MCCC1: variants seen among roughly 807,000 people sequenced by gnomAD.
MCCC1 encodes the protein methylcrotonoyl-CoA carboxylase subunit alpha, mitochondrial.
MCCC1 carries 64 observed loss-of-function variants against 83.8 expected under a neutral mutation model. The observed-to-expected ratio is 0.76, with a 90% CI of 0.62 to 0.94. MCCC1 has a LOEUF of 0.94. Ranked by LOEUF, MCCC1 falls within the 40% of genes least tolerant of loss-of-function variation. The pLI is 0.00. For missense variants in MCCC1, 807 were observed against 904.7 expected, an observed-to-expected ratio of 0.89 and a Z score of 1.39; for synonymous variants, 322 against 315.4, an observed-to-expected ratio of 1.02 and a Z score of -0.22.
intron 4 of MCCC1, 75 bp downstream of exon 4, chr3:183,086,618 A>ATT: frequency 1.5e-6 from 2 of 1,355,866 alleles, no homozygotes; most frequent in South Asian, 2.4e-5. Flanking sequence ...AAAATAGAAA[A>ATT]TTTCTATAAG....
chr3:183,082,874 C>T (rs1412315589), intron 4 of MCCC1, among the ~76,000 whole-genome samples: 1 of 152,012 alleles, frequency 6.6e-6, no homozygotes, highest in Non-Finnish European at 1.5e-5. Flanking sequence ...AGTCCCATCA[C>T]AGCTACTTGG....
chr3:183,105,828 G>A (rs1043542967), intron 1 of MCCC1, among the ~76,000 whole-genome samples: 11 of 152,116 alleles, frequency 7.2e-5, no homozygotes, highest in Admixed American at 2.6e-4. Context: ...AGTGGCTCAC[G>A]CCTGTAATCC....
intron 3 of MCCC1, among the ~76,000 whole-genome samples, chr3:183,089,609 G>A (rs1181973369): frequency 1.3e-5 from 2 of 151,782 alleles, no homozygotes; most frequent in African/African-American, 4.8e-5. Context: ...GTGAGACCCT[G>A]GCTCAAAAAA....
chr3:183,101,467 G>A (rs940837014), upstream of MCCC1, among the ~76,000 whole-genome samples: 4 of 152,188 alleles, frequency 2.6e-5, no homozygotes, highest in Admixed American at 2.6e-4. Context: ...TGCACCAATC[G>A]ACACTCTGTA....
intron 12 of MCCC1, among the ~76,000 whole-genome samples, chr3:183,038,567 C>T (rs1713812711): frequency 6.6e-6 from 1 of 152,124 alleles, no homozygotes; most frequent in African/African-American, 2.4e-5. Context: ...AGAAAAATAA[C>T]AAACTCTATT....
At chr3:183,110,479 C>T (rs915409715) in intron 1 of MCCC1, among the ~76,000 whole-genome samples, 9 of 151,482 alleles carry the variant, frequency 5.9e-5, no homozygotes, top group Admixed American at 2.6e-4. Context: ...CTGTGAGCTC[C>T]GCCTCCCAGG....
upstream of MCCC1, among the ~76,000 whole-genome samples, chr3:183,102,907 C>T (rs941535362): frequency 2.0e-5 from 3 of 151,306 alleles, no homozygotes; most frequent in Admixed American, 2.0e-4. Flanking sequence ...ATGGCTCAGC[C>T]TCCCGAATAG....
In MCCC1 at chr3:183,053,577, T is replaced by C. The variant is rs556716752; in HGVS notation, c.874-1337A>G. ...ATCCCAGCAGTTCGGGAGGCCAAGGTGGGCGGATCATGAAGTCAGGAGTTC... is the reference window on the plus strand; with the variant it reads ...ATCCCAGCAGTTCGGGAGGCCAAGGCGGGCGGATCATGAAGTCAGGAGTTC... On this transcript the variant is annotated intron_variant, in intron 8 of 18. Transcript: ENST00000265594. Among the ~76,000 whole-genome samples the C allele has an allele frequency of 9.2e-5, 14 of 151,620 alleles. No individual in the cohort carries two copies. The South Asian group carries it at 2.9e-3, about 32-fold the overall frequency.
intron 7 of MCCC1, among the ~76,000 whole-genome samples, chr3:183,061,176 A>G (rs1715805616): frequency 6.6e-6 from 1 of 152,168 alleles, no homozygotes. Flanking sequence ...GGGGAGGGAA[A>G]GCATTCTATA....
At chr3:183,056,322 A>T (rs988315666) in intron 8 of MCCC1, among the ~76,000 whole-genome samples, 1 of 152,182 alleles carries the variant, frequency 6.6e-6, no homozygotes, top group Non-Finnish European at 1.5e-5. Flanking sequence ...GAAACCTCTG[A>T]TCCCTGACTT....
intron 7 of MCCC1, 73 bp from the exon 8 acceptor site, chr3:183,057,495 G>T: frequency 1.7e-6 from 2 of 1,161,004 alleles, no homozygotes; most frequent in Non-Finnish European, 2.5e-6. Flanking sequence ...AAGCTAAACT[G>T]TTAGGCACAA....
chr3:183,099,186 C>T, intron 1 of MCCC1, 166 bp downstream of exon 1: 1 of 727,670 alleles, frequency 1.4e-6, no homozygotes, highest in Non-Finnish European at 2.3e-6. Context: ...GGATGTCTTC[C>T]TCCCGACGCC....
At chr3:183,110,876 C>A (rs1719481212) in intron 1 of MCCC1, among the ~76,000 whole-genome samples, 1 of 152,158 alleles carries the variant, frequency 6.6e-6, no homozygotes. Flanking sequence ...GTTATCACAG[C>A]ACCATTTATT....
At chr3:183,101,012 C>T (rs1365566290), upstream of MCCC1, among the ~76,000 whole-genome samples, 1 of 152,274 alleles carries the variant, frequency 6.6e-6, no homozygotes, top group Non-Finnish European at 1.5e-5. Context: ...GCCCTGCTGA[C>T]CCCGGGCAAT....
In MCCC1 at chr3:183,071,022, G is replaced by A. The variant is rs766095348; in HGVS notation, c.738C>T (p.Ile246=). 13 of 1,614,012 alleles carry A rather than the reference G, an allele frequency of 8.1e-6. No homozygotes were observed. The highest frequency in any genetic ancestry group is 1.0e-5 in the Non-Finnish European group (12 of 1,179,984). Residue 246 remains isoleucine (I), a synonymous_variant, in exon 7 of 19, where the codon ATC becomes ATT. Transcript: ENST00000265594. The part of the protein sequence containing the change: ...KKSFNDDAML[I]EKFVDTPRHV... ...ACCTCGGTGTGTCTACAAACTTCTC[G>A]ATCAGCATAGCATCATCATTGAAAG...
intron 3 of MCCC1, among the ~76,000 whole-genome samples, chr3:183,090,731 A>C (rs1384827580): frequency 6.6e-6 from 1 of 152,094 alleles, no homozygotes; most frequent in Non-Finnish European, 1.5e-5. Flanking sequence ...CTGGGATTAC[A>C]GGCATGTGAC....
At chr3:183,017,008 T>C (rs1034822827) in intron 18 of MCCC1, 2 of 514,664 alleles carry the variant, frequency 3.9e-6, no homozygotes, top group African/African-American at 1.9e-5. Flanking sequence ...TAACATTCAG[T>C]TGGATTATCG....
intron 12 of MCCC1, among the ~76,000 whole-genome samples, chr3:183,038,423 G>T (rs1713802507): frequency 6.6e-6 from 1 of 152,038 alleles, no homozygotes; most frequent in Admixed American, 6.6e-5. Flanking sequence ...CGGCCAGTGT[G>T]GTTGGAGCCA....
rs564256527 is a variant in MCCC1, at chr3:183,114,703, T to C, written c.-102+771A>G. On this transcript the variant is annotated intron_variant, in intron 1 of 17. Coordinates refer to the MCCC1 transcript ENST00000492597. ...TTCCTCCTAGAGAGCAAGCCACTTATTCAGACAGTGACTCTAGATCTAAAA... is the reference window on the plus strand; with the variant it reads ...TTCCTCCTAGAGAGCAAGCCACTTACTCAGACAGTGACTCTAGATCTAAAA... 2.6e-5 allele frequency among the ~76,000 whole-genome samples: 4 copies of C among 152,326 alleles called. No individual in the cohort carries two copies. The South Asian group carries it at 8.3e-4, about 32-fold the overall frequency.
Sources: gnomAD v4.1 joint callset for allele counts (sites outside exome capture counted in the v4.1 genomes callset) on GRCh38, gnomAD v4.1.1 for gene constraint, MANE v1.5 for transcripts, NCBI Gene and HGNC (gene_info 2026-07-23, HGNC 2026-07-21) for gene names.